CACNA2D3: variants seen among roughly 807,000 people sequenced by gnomAD.
CACNA2D3 encodes the protein voltage-dependent calcium channel subunit alpha-2/delta-3.
A neutral mutation model predicts 160.6 loss-of-function variants in CACNA2D3; 60 were observed. The ratio of observed to expected loss-of-function variants is 0.37; its 90% CI spans 0.30 to 0.46. The LOEUF (loss-of-function observed/expected upper bound fraction) is 0.46. Among genes scored for constraint, CACNA2D3 ranks in the 20% least tolerant of loss-of-function variants. The pLI is 1.00. For synonymous variants in CACNA2D3, 558 were observed against 492.9 expected (o/e 1.13, Z -1.75); for missense variants, 1,205 against 1,365.0 (o/e 0.88, Z 1.85).
chr3:55,055,642 T>G (rs1332362038), intron 35 of CACNA2D3, among the ~76,000 whole-genome samples: 1 of 152,134 alleles, frequency 6.6e-6, no homozygotes, highest in East Asian at 1.9e-4. Context: ...TTGGGTTGGA[T>G]GGACATCTTA....
At chr3:54,746,802 T>A (rs1010076943) in intron 11 of CACNA2D3, among the ~76,000 whole-genome samples, 8 of 152,016 alleles carry the variant, frequency 5.3e-5, no homozygotes, top group Non-Finnish European at 8.8e-5. Context: ...GGAGCAAGAG[T>A]GGAATTATTA....
intron 27 of CACNA2D3, chr3:54,918,981 A>G: frequency 3.7e-6 from 4 of 1,077,316 alleles, no homozygotes; most frequent in Non-Finnish European, 5.0e-6. Flanking sequence ...AGGCAGATGG[A>G]ATTTATGAAG....
intron 2 of CACNA2D3, among the ~76,000 whole-genome samples, chr3:54,188,618 T>G (rs1020255514): frequency 6.6e-6 from 1 of 152,084 alleles, no homozygotes; most frequent in Non-Finnish European, 1.5e-5. Flanking sequence ...TTGGAGCAAA[T>G]GGGAGGCCAT....
At chr3:54,605,492 T>C (rs141374381) in intron 9 of CACNA2D3, among the ~76,000 whole-genome samples, 345 of 152,318 alleles carry the variant, frequency 2.3e-3, no homozygotes, top group African/African-American at 7.9e-3. Flanking sequence ...CCTCGAATGC[T>C]ACCACTCTTA....
At position 54,918,435 on chromosome 3, in the gene CACNA2D3, C is replaced by A. The variant is rs777859712; in HGVS notation, c.2449+18567C>A. 2 of 1,592,842 alleles carry A rather than the reference C, an allele frequency of 1.3e-6. No individual in the cohort carries two copies. Among genetic ancestry groups the A allele is most frequent in the South Asian group, 2.2e-5 (2 of 90,198 alleles). ...ACACTATCTTCTGGCCTGCAATGAC[C>A]AATCCTATTTGAGACAAAAGCTCTC... On this transcript the variant is annotated intron_variant, in intron 27 of 37. Transcript: ENST00000474759.
At chr3:54,141,092 C>T (rs112327546) in intron 2 of CACNA2D3, among the ~76,000 whole-genome samples, 61,215 of 108,922 alleles carry the variant, frequency 0.56, 13,609 homozygotes, top group East Asian at 0.66. Flanking sequence ...TGTGTGCGCG[C>T]GCGCGCGTGT....
At chr3:54,969,672 T>G in intron 28 of CACNA2D3, 128 bp from the exon 29 acceptor site, 1 of 662,376 alleles carries the variant, frequency 1.5e-6, no homozygotes, top group East Asian at 2.8e-5. Flanking sequence ...TTCAATGAAA[T>G]TGGGTATTTG....
At chr3:54,130,653 C>T (rs1199723380) in intron 2 of CACNA2D3, among the ~76,000 whole-genome samples, 1 of 152,194 alleles carries the variant, frequency 6.6e-6, no homozygotes, top group East Asian at 1.9e-4. Context: ...GCAGCCTCCC[C>T]AAGGTGACTG....
At chr3:54,884,589 G>A (rs912706173) in intron 21 of CACNA2D3, among the ~76,000 whole-genome samples, 1 of 152,188 alleles carries the variant, frequency 6.6e-6, no homozygotes, top group East Asian at 1.9e-4. Context: ...TTAAGATCAA[G>A]CCATGTGAAA....
intron 2 of CACNA2D3, among the ~76,000 whole-genome samples, chr3:54,245,181 A>G (rs763280676): frequency 1.1e-4 from 17 of 152,206 alleles, no homozygotes; most frequent in Non-Finnish European, 1.6e-4. Flanking sequence ...TACAAGTATT[A>G]ATAGCTGGAT....
At chr3:54,365,881 A>G (rs1327152492) in intron 3 of CACNA2D3, among the ~76,000 whole-genome samples, 3 of 152,170 alleles carry the variant, frequency 2.0e-5, no homozygotes, top group East Asian at 1.9e-4. Flanking sequence ...AAAATAAAAT[A>G]AAATACAGCC....
intron 2 of CACNA2D3, among the ~76,000 whole-genome samples, chr3:54,128,242 T>C (rs895237884): frequency 2.0e-5 from 3 of 152,136 alleles, no homozygotes; most frequent in South Asian, 2.1e-4. Flanking sequence ...CTGAAATCCA[T>C]TGGGCCTGAG....
At chr3:54,779,197 A>G (rs995111207) in intron 13 of CACNA2D3, among the ~76,000 whole-genome samples, 1 of 152,038 alleles carries the variant, frequency 6.6e-6, no homozygotes, top group African/African-American at 2.4e-5. Flanking sequence ...TCCCAGGCTC[A>G]AGTGATTCTC....
At chr3:54,407,822 G>A (rs1269046075) in intron 4 of CACNA2D3, among the ~76,000 whole-genome samples, 1 of 152,258 alleles carries the variant, frequency 6.6e-6, no homozygotes, top group East Asian at 1.9e-4. Flanking sequence ...GAGAAATTTA[G>A]GATCTAGTAG....
intron 2 of CACNA2D3, among the ~76,000 whole-genome samples, chr3:54,161,797 G>A (rs1700349986): frequency 6.6e-6 from 1 of 152,210 alleles, no homozygotes; most frequent in Non-Finnish European, 1.5e-5. Context: ...TACAGCAGAA[G>A]CTGAACAGAA....
rs548474124 is a variant in CACNA2D3 at position 54,506,964 on chromosome 3, G to A, written c.544+3310G>A. ...AACTGAAGTGCTGTAAAGTTTATACGTATATATACACATTATATATACACA... is the reference window on the plus strand; with the variant it reads ...AACTGAAGTGCTGTAAAGTTTATACATATATATACACATTATATATACACA... On this transcript the variant is annotated intron_variant, in intron 5 of 37. Coordinates refer to ENST00000474759, the MANE Select transcript of CACNA2D3 (RefSeq NM_018398.3). 7.1e-4 allele frequency among the ~76,000 whole-genome samples: 108 copies of A among 152,110 alleles called. No individual in the cohort carries two copies. The South Asian group carries it at 0.022, about 31-fold the overall frequency.
At chr3:54,923,328 C>G (rs1387389808) in intron 27 of CACNA2D3, among the ~76,000 whole-genome samples, 1 of 152,110 alleles carries the variant, frequency 6.6e-6, no homozygotes, top group Non-Finnish European at 1.5e-5. Context: ...GTCCTGCAGC[C>G]AAGCCAAGTT....
chr3:54,428,866 G>A (rs969222480), intron 4 of CACNA2D3, among the ~76,000 whole-genome samples: 23 of 152,068 alleles, frequency 1.5e-4, no homozygotes, highest in African/African-American at 5.5e-4. Context: ...ATCCGATGAA[G>A]TTGATTTTCC....
At chr3:54,430,214 GTTAT>G (rs1442216125) in intron 4 of CACNA2D3, among the ~76,000 whole-genome samples, 1 of 141,574 alleles carries the variant, frequency 7.1e-6, no homozygotes, top group African/African-American at 2.6e-5. Flanking sequence ...ATGCGGATTT[GTTAT>G]TTATTTGCTA....
Sources: gnomAD v4.1 joint callset for allele counts (sites outside exome capture counted in the v4.1 genomes callset) on GRCh38, gnomAD v4.1.1 for gene constraint, MANE v1.5 for transcripts, NCBI Gene and HGNC (gene_info 2026-07-23, HGNC 2026-07-21) for gene names.